CDH19: variants seen among roughly 807,000 people sequenced by gnomAD.
CDH19 encodes the protein cadherin 19.
Under a neutral mutation model 64.2 loss-of-function variants are expected in CDH19, and 67 were observed. The ratio of observed to expected loss-of-function variants is 1.04; its 90% confidence interval spans 0.86 to 1.28. CDH19 has a LOEUF of 1.28. CDH19 is among the 50% of genes most tolerant of loss of function. The pLI is 0.00. For missense variants in CDH19, 1,030 were observed against 929.0 expected, an observed-to-expected ratio of 1.11 and a Z score of -1.41; for synonymous variants, 346 against 319.3, an observed-to-expected ratio of 1.08 and a Z score of -0.89.
In CDH19 at chr18:66,505,149, C is replaced by T; in HGVS notation, c.1982G>A (p.Ser661Asn). The change falls in exon 12 of 12, where the codon AGT becomes AAT. Residue 661 changes from serine (S) to asparagine (N), a missense_variant. Physicochemically the swap from Ser to Asn is conservative, Grantham distance 46. Transcript: ENST00000262150. ...TEAFDIAELR[S>N]STIMRERKTR... ...CTTGCGTTCCCGCATTATGGTACTACTCCTCAGCTCTGCTATATCAAAGGC... is the reference window on the plus strand; with the variant it reads ...CTTGCGTTCCCGCATTATGGTACTATTCCTCAGCTCTGCTATATCAAAGGC... 4 of 1,613,534 alleles carry T rather than the reference C, an allele frequency of 2.5e-6. No individual in the cohort carries two copies. The highest frequency in any genetic ancestry group is 3.4e-6 in the Non-Finnish European group (4 of 1,179,634).
chr18:66,566,173 A>G (rs978969975), intron 3 of CDH19, among the ~76,000 whole-genome samples: 1 of 151,790 alleles, frequency 6.6e-6, no homozygotes, highest in East Asian at 1.9e-4. Flanking sequence ...CCTTCGCATT[A>G]TGCTTCACTG....
At chr18:66,533,348 G>T (rs539276058) in intron 8 of CDH19, among the ~76,000 whole-genome samples, 1 of 151,940 alleles carries the variant, frequency 6.6e-6, no homozygotes, top group Admixed American at 6.6e-5. Context: ...ATTTAAAAAT[G>T]AAAAGGTATT....
At chr18:66,560,328 CT>C (rs1568197791) in intron 3 of CDH19, among the ~76,000 whole-genome samples, 1 of 152,060 alleles carries the variant, frequency 6.6e-6, no homozygotes, top group Non-Finnish European at 1.5e-5. Flanking sequence ...ATCAGGGAAA[CT>C]TTTCAGTAAA....
chr18:66,576,360 C>G (rs1988265644), intron 1 of CDH19, among the ~76,000 whole-genome samples: 1 of 151,142 alleles, frequency 6.6e-6, no homozygotes, highest in Non-Finnish European at 1.5e-5. Flanking sequence ...TTGCTCAACT[C>G]TAGTCAAAAG....
At chr18:66,530,696 G>T (rs905830484) in intron 8 of CDH19, among the ~76,000 whole-genome samples, 1 of 152,082 alleles carries the variant, frequency 6.6e-6, no homozygotes, top group Non-Finnish European at 1.5e-5. Flanking sequence ...GGAATTCACA[G>T]GAGAGAAAAT....
intron 3 of CDH19, among the ~76,000 whole-genome samples, chr18:66,562,395 G>C (rs1186470964): frequency 6.6e-6 from 1 of 151,846 alleles, no homozygotes; most frequent in Non-Finnish European, 1.5e-5. Context: ...GTTCACAATA[G>C]GGTTTGCAAT....
chr18:66,521,536 T>C (rs1320155130), intron 9 of CDH19, among the ~76,000 whole-genome samples: 1 of 151,394 alleles, frequency 6.6e-6, no homozygotes, highest in Non-Finnish European at 1.5e-5. Context: ...TGTTTGTTTG[T>C]TTGTTTGTTT....
Position 66,544,717 on chromosome 18 carries a change from AC to A in CDH19, c.960+1del, listed in dbSNP as rs776141372. On this transcript the variant is annotated splice_donor_variant, in intron 6 of 11. Transcript: ENST00000262150. LOFTEE classifies it high-confidence loss of function. ...CAAGGCAAATAATTTTAACATGTCT[AC>A]CTTTTTTAATATAACTATTCCTTCT... The A allele has an allele frequency of 5.0e-6, 8 of 1,586,338 alleles. No homozygotes were observed. Among genetic ancestry groups the A allele is most frequent in the Non-Finnish European group, 6.9e-6 (8 of 1,161,668 alleles).
At position 66,544,106 on chromosome 18, in the gene CDH19, T is replaced by A; in HGVS notation, c.1079A>T (p.Gln360Leu). 1 of 1,614,036 alleles carries A rather than the reference T, an allele frequency of 6.2e-7. No homozygotes were observed. The highest frequency in any genetic ancestry group is 1.3e-5 in the African/African-American group (1 of 75,032). The stretch of plus-strand genomic sequence containing the variant: ...AGGAGGCTCATCAACATCTTCCACC[T>A]GGATCTTAATGAAAGTGGTGGAAGC... Reference protein sequence around the residue: ...TEASTTFIKIQVEDVDEPPLF... With the variant: ...TEASTTFIKILVEDVDEPPLF... The change falls in exon 7 of 12, where the codon CAG (glutamine) becomes CTG (leucine). Residue 360 changes from glutamine (Q) to leucine (L), a missense_variant. Coordinates refer to ENST00000262150, the MANE Select transcript of CDH19 (RefSeq NM_021153.4).
chr18:66,591,872 G>C (rs1292595739), intron 1 of CDH19, among the ~76,000 whole-genome samples: 1 of 151,746 alleles, frequency 6.6e-6, no homozygotes, highest in African/African-American at 2.4e-5. Flanking sequence ...TCTGCCTACT[G>C]CATCACAAAA....
At position 66,543,967 on chromosome 18, in the gene CDH19, A is replaced by AT; in HGVS notation, c.1214+3dup. On this transcript the variant is annotated splice_donor_region_variant and intron_variant, in intron 7 of 11. Transcript: ENST00000262150. ...TTAATGCAAAACTGACCTTACAGAC[A>AT]TACCTGATAGGAGATTTCCTATTGT... is the stretch of plus-strand genomic sequence containing the variant. 1 of 1,602,964 alleles carries AT rather than the reference A, an allele frequency of 6.2e-7. No individual in the cohort carries two copies. Among genetic ancestry groups the AT allele is most frequent in the Non-Finnish European group, 8.5e-7 (1 of 1,173,124 alleles).
chr18:66,513,494 A>G (rs1287112290), intron 9 of CDH19, among the ~76,000 whole-genome samples: 1 of 151,492 alleles, frequency 6.6e-6, no homozygotes, highest in Non-Finnish European at 1.5e-5. Context: ...AGTATTATGA[A>G]TTTTATTGAA....
chr18:66,581,879 A>C (rs546078360), intron 1 of CDH19, among the ~76,000 whole-genome samples: 5 of 152,156 alleles, frequency 3.3e-5, no homozygotes, highest in Admixed American at 1.3e-4. Context: ...TTAGCATTGC[A>C]CCTCTAAAGA....
chr18:66,523,563 G>A (rs991298427), intron 9 of CDH19, among the ~76,000 whole-genome samples: 2 of 149,952 alleles, frequency 1.3e-5, no homozygotes, highest in Non-Finnish European at 3.0e-5. Flanking sequence ...AGGACTTGGC[G>A]CTCACCTCAC....
chr18:66,592,300 A>G (rs1277487332), intron 1 of CDH19, among the ~76,000 whole-genome samples: 3 of 151,830 alleles, frequency 2.0e-5, no homozygotes, highest in Non-Finnish European at 4.4e-5. Flanking sequence ...TGATATTTTG[A>G]TACATGTATT....
intron 5 of CDH19, among the ~76,000 whole-genome samples, chr18:66,546,458 A>G (rs947341578): frequency 1.3e-5 from 2 of 152,204 alleles, no homozygotes; most frequent in African/African-American, 4.8e-5. Context: ...ATATTAAACT[A>G]TTGGTCTTCA....
intron 9 of CDH19, among the ~76,000 whole-genome samples, chr18:66,518,476 C>T (rs1003722033): frequency 1.3e-5 from 2 of 152,060 alleles, no homozygotes; most frequent in South Asian, 2.1e-4. Context: ...TCAGGTGATC[C>T]TCTCGCCTAG....
intron 8 of CDH19, chr18:66,532,740 A>G: frequency 2.2e-6 from 1 of 451,476 alleles, no homozygotes; most frequent in Non-Finnish European, 4.5e-6. Flanking sequence ...TAGGAGACTC[A>G]TTTTAGCAAC....
chr18:66,505,412 T>C (rs1488170543), intron 11 of CDH19, 110 bp from the exon 12 acceptor site: 3 of 828,916 alleles, frequency 3.6e-6, no homozygotes, highest in East Asian at 6.1e-5. Context: ...TTTATGATTA[T>C]AAAACAAAAA....
Sources: gnomAD v4.1 joint callset for allele counts (sites outside exome capture counted in the v4.1 genomes callset) on GRCh38, gnomAD v4.1.1 for gene constraint, MANE v1.5 for transcripts, NCBI Gene and HGNC (gene_info 2026-07-23, HGNC 2026-07-21) for gene names.